SH3PXD2B: variants seen among roughly 807,000 people sequenced by gnomAD.
SH3PXD2B encodes the protein SH3 and PX domain-containing protein 2B.
A neutral mutation model predicts 73.1 loss-of-function variants in SH3PXD2B; 37 were observed. That is an observed-to-expected ratio of 0.51 (90% CI 0.39 to 0.67). The LOEUF is 0.67. Among genes scored for constraint, SH3PXD2B ranks in the 30% least tolerant of loss-of-function variants. The pLI is 0.00. For synonymous variants in SH3PXD2B, 457 were observed against 480.5 expected (o/e 0.95, Z 0.64); for missense variants, 1,053 against 1,197.8 (o/e 0.88, Z 1.78).
At chr5:172,414,728 C>T (rs906573271) in intron 2 of SH3PXD2B, among the ~76,000 whole-genome samples, 5 of 152,170 alleles carry the variant, frequency 3.3e-5, no homozygotes, top group Admixed American at 6.5e-5. Flanking sequence ...TGAACTTCCC[C>T]GTAGGGAGTG....
Position 172,345,917 on chromosome 5 carries a change from G to A in SH3PXD2B, c.1188+219C>T, listed in dbSNP as rs374918099. Among the ~76,000 whole-genome samples the A allele has an allele frequency of 3.9e-5, 6 of 152,302 alleles. No individual in the cohort carries two copies. In the East Asian group the frequency reaches 1.2e-3, roughly 29 times the overall value. On this transcript the variant is annotated intron_variant, in intron 12 of 12. Transcript: ENST00000311601. ...GGGTAAGGAGTTTCTTTTTGTTCTGGAATTAGACAGTGGTGAGGGTTGTGC... is the reference window on the plus strand; with the variant it reads ...GGGTAAGGAGTTTCTTTTTGTTCTGAAATTAGACAGTGGTGAGGGTTGTGC...
intron 1 of SH3PXD2B, 59 bp downstream of exon 1, chr5:172,454,219 C>T: frequency 6.7e-7 from 1 of 1,484,074 alleles, no homozygotes; most frequent in East Asian, 2.5e-5. Context: ...GCCGGGGGCC[C>T]TCGGTCGCCC....
chr5:172,397,285 G>A (rs1037962463), intron 3 of SH3PXD2B, among the ~76,000 whole-genome samples: 1 of 152,170 alleles, frequency 6.6e-6, no homozygotes, highest in Non-Finnish European at 1.5e-5. Context: ...ACCGTTGTCT[G>A]CTCTCAAACC....
chr5:172,365,435 G>A (rs1463169124), intron 6 of SH3PXD2B, among the ~76,000 whole-genome samples: 2 of 152,200 alleles, frequency 1.3e-5, no homozygotes, highest in Non-Finnish European at 2.9e-5. Context: ...GTTGGGGCAC[G>A]ACAGTGAGAA....
chr5:172,412,984 A>G lies in SH3PXD2B; in HGVS notation c.157-6632T>C, dbSNP rs371211634. Among the ~76,000 whole-genome samples the G allele has an allele frequency of 1.1e-4, 17 of 152,360 alleles. No homozygotes were observed. In the East Asian group the frequency reaches 1.2e-3, roughly 10 times the overall value. The stretch of plus-strand genomic sequence containing the variant: ...CTCCATCAGCAGTTTTCAAGACATC[A>G]GCTTGCGGTAGAGGGAATGCGAGAC... On this transcript the variant is annotated intron_variant, in intron 2 of 12. Coordinates refer to ENST00000311601, the MANE Select transcript of SH3PXD2B (RefSeq NM_001017995.3).
chr5:172,433,686 C>A (rs1759304983), intron 1 of SH3PXD2B, among the ~76,000 whole-genome samples: 1 of 152,254 alleles, frequency 6.6e-6, no homozygotes, highest in African/African-American at 2.4e-5. Context: ...AGCAGATGGG[C>A]CCCAACCCGG....
At chr5:172,437,940 G>A (rs1456441232) in intron 1 of SH3PXD2B, among the ~76,000 whole-genome samples, 1 of 152,164 alleles carries the variant, frequency 6.6e-6, no homozygotes, top group African/African-American at 2.4e-5. Flanking sequence ...CTCTCCCCCT[G>A]CCTCAAACTC....
chr5:172,390,383 T>C (rs943793476), intron 4 of SH3PXD2B, among the ~76,000 whole-genome samples: 2 of 152,230 alleles, frequency 1.3e-5, no homozygotes, highest in African/African-American at 4.8e-5. Context: ...CAGTGTTTCA[T>C]TGCTTAATTT....
At chr5:172,396,858 T>C (rs945399921) in intron 3 of SH3PXD2B, among the ~76,000 whole-genome samples, 2 of 152,060 alleles carry the variant, frequency 1.3e-5, no homozygotes, top group Non-Finnish European at 2.9e-5. Flanking sequence ...GGAGAATCGC[T>C]TGAACCCAGG....
At chr5:172,451,814 A>G (rs73804850) in intron 1 of SH3PXD2B, among the ~76,000 whole-genome samples, 5,143 of 152,298 alleles carry the variant, frequency 0.034, 292 homozygotes, top group African/African-American at 0.12. Flanking sequence ...CGCCCACCAC[A>G]GGGATCTGTT....
chr5:172,330,872 C>A (rs1315864887), downstream of SH3PXD2B, among the ~76,000 whole-genome samples: 1 of 152,224 alleles, frequency 6.6e-6, no homozygotes, highest in Non-Finnish European at 1.5e-5. Flanking sequence ...CATCTATAAA[C>A]TTCTCAACTA....
chr5:172,345,093 A>AGGGAAG (rs1561894233), intron 12 of SH3PXD2B, among the ~76,000 whole-genome samples: 5 of 146,240 alleles, frequency 3.4e-5, no homozygotes, highest in Admixed American at 2.0e-4. Flanking sequence ...AGGGAAGGAA[A>AGGGAAG]GAAGGAGGGA....
chr5:172,394,478 A>G, intron 4 of SH3PXD2B, 85 bp downstream of exon 4: 1 of 1,402,188 alleles, frequency 7.1e-7, no homozygotes, highest in Non-Finnish European at 1.0e-6. Flanking sequence ...ACAAATTTTT[A>G]TTGTTGAGCA....
chr5:172,352,925 G>A (rs971608297), intron 9 of SH3PXD2B, among the ~76,000 whole-genome samples: 1 of 151,988 alleles, frequency 6.6e-6, no homozygotes, highest in Non-Finnish European at 1.5e-5. Flanking sequence ...TCAAATTTAG[G>A]TTCTGAGATC....
chr5:172,419,377 C>T (rs190507935), intron 2 of SH3PXD2B, among the ~76,000 whole-genome samples: 7 of 151,960 alleles, frequency 4.6e-5, no homozygotes, highest in Non-Finnish European at 8.8e-5. Flanking sequence ...CCCACCTCCT[C>T]GGCAACAGCT....
intron 4 of SH3PXD2B, among the ~76,000 whole-genome samples, chr5:172,390,350 T>G (rs1156255753): frequency 1.3e-5 from 2 of 152,228 alleles, no homozygotes; most frequent in South Asian, 2.1e-4. Context: ...GCTTTGGAGA[T>G]TCATCCAGCT....
At chr5:172,422,382 A>C in intron 2 of SH3PXD2B, 34 bp downstream of exon 2, 1 of 1,566,188 alleles carries the variant, frequency 6.4e-7, no homozygotes, top group Admixed American at 1.8e-5. Context: ...ACTCTTTCCG[A>C]TCCTGCAGCT....
Position 172,337,466 on chromosome 5 carries a change from G to C in SH3PXD2B, c.*903C>G. ...GTGAGGGTCAAAGCATGAATGCAAAGCGCCAAGTACAGTGTTTGGCACCCA... is the reference window on the plus strand; with the variant it reads ...GTGAGGGTCAAAGCATGAATGCAAACCGCCAAGTACAGTGTTTGGCACCCA... On this transcript the variant is annotated 3_prime_UTR_variant, in exon 13 of 13. Coordinates refer to ENST00000311601, the MANE Select transcript of SH3PXD2B (RefSeq NM_001017995.3). The C allele has an allele frequency of 5.1e-6, 5 of 984,482 alleles. No individual in the cohort carries two copies. The highest frequency in any genetic ancestry group is 6.0e-6 in the Non-Finnish European group (5 of 829,046). The allele number at this position is 984,482 out of a possible 1,614,324, so 61.0% of individuals were successfully genotyped here. A position where few individuals can be genotyped will look rare whatever the true frequency, so the allele number is the denominator to read the frequency against.
Position 172,339,231 on chromosome 5 carries a change from T to C in SH3PXD2B, c.1874A>G (p.Glu625Gly). The stretch of plus-strand genomic sequence containing the variant: ...ATTCTGGGGAGTGGCATCTGGCTTC[T>C]CCTCTGGCAGGTCAGTTTTGGATTT... The part of the protein sequence containing the change: ...ISKSKTDLPE[E>G]KPDATPQNPF... The change falls in exon 13 of 13, where the codon GAG becomes GGG. Residue 625 changes from glutamate (E) to glycine (G), a missense_variant. By Grantham distance (98) the Glu-to-Gly change is moderately conservative. Coordinates refer to ENST00000311601, the MANE Select transcript of SH3PXD2B (RefSeq NM_001017995.3). The surrounding 1 kb of genome is among the most constrained non-coding windows in gnomAD (Gnocchi z 6.1). 6.2e-7 allele frequency: 1 copy of C among 1,614,202 alleles called. No individual in the cohort carries two copies. The highest frequency in any genetic ancestry group is 2.2e-5 in the East Asian group (1 of 44,872).
Sources: allele counts gnomAD v4.1 joint callset (sites outside exome capture counted in the v4.1 genomes callset), GRCh38; gene constraint gnomAD v4.1.1; non-coding constraint Gnocchi (gnomAD v3.1); transcripts MANE v1.5; gene names NCBI Gene and HGNC (gene_info 2026-07-23, HGNC 2026-07-21).